Variants in LOXL3 observed in about 807,000 individuals in gnomAD.
The protein encoded by LOXL3 is lysyl oxidase like 3.
In LOXL3, 60 loss-of-function variants were observed where a neutral mutation model predicts 91.8. The observed-to-expected ratio is 0.65, with a 90% CI of 0.53 to 0.81. The LOEUF (loss-of-function observed/expected upper bound fraction) is 0.81. Among genes scored for constraint, LOXL3 ranks in the 30% least tolerant of loss-of-function variants. LOXL3 has a pLI of 0.00. For synonymous variants in LOXL3, 355 were observed against 387.6 expected (o/e 0.92, Z 0.99); for missense variants, 874 against 1,000.4 (o/e 0.87, Z 1.70).
rs746574833 is a variant in LOXL3, at chr2:74,535,693, A to G, written c.1311T>C (p.Pro437=). Residue 437 remains proline (P), a synonymous_variant, in exon 8 of 14, where the codon CCT becomes CCC. Transcript: ENST00000264094. The surrounding 1 kb of genome is among the most constrained non-coding windows in gnomAD (Gnocchi z 4.2). ...AGATGAGGCCCCAGCGAAGGGGCCC[A>G]GGTCCCCCTATTTGCACCTCGACTC... ...EGRVEVQIGG[P]GPLRWGLICG... The G allele has an allele frequency of 6.2e-7, 1 of 1,607,516 alleles. No homozygotes were observed. Among genetic ancestry groups the G allele is most frequent in the South Asian group, 1.1e-5 (1 of 90,314 alleles).
upstream of LOXL3, chr2:74,554,542 C>T: frequency 1.7e-6 from 1 of 577,824 alleles, no homozygotes; most frequent in Non-Finnish European, 3.1e-6. This position sits in a 1 kb window ranked among gnomAD's most constrained non-coding sequence, Gnocchi z 4.9. Context: ...GCCCCCACGA[C>T]GGCGGGTAGG....
rs552410033 is a variant in LOXL3 at position 74,549,767 on chromosome 2, C to T, written c.478-184G>A. On this transcript the variant is annotated intron_variant, in intron 3 of 13. Coordinates refer to ENST00000264094, the MANE Select transcript of LOXL3 (RefSeq NM_032603.5). The surrounding 1 kb of genome is among the most constrained non-coding windows in gnomAD (Gnocchi z 5.3). Reference sequence around the variant, plus strand: ...GTGTGGACTCTCTTGCAGCCAGCAGCGCGTGGGATGTGCTGTGCTCCCAGA... The same window carrying T: ...GTGTGGACTCTCTTGCAGCCAGCAGTGCGTGGGATGTGCTGTGCTCCCAGA... 6 of 1,428,574 alleles carry T rather than the reference C, an allele frequency of 4.2e-6. No individual in the cohort carries two copies. Among genetic ancestry groups the T allele is most frequent in the African/African-American group, 1.4e-5 (1 of 69,490 alleles). The allele number at this position is 1,428,574 out of a possible 1,614,324, so 88.5% of individuals were successfully genotyped here.
In LOXL3 at chr2:74,536,758, G is replaced by A. The variant is rs186579568; in HGVS notation, c.863C>T (p.Ala288Val). 1.4e-5 allele frequency: 22 copies of A among 1,614,174 alleles called. No individual in the cohort carries two copies. The highest frequency in any genetic ancestry group is 4.5e-5 in the East Asian group (2 of 44,870). Residue 288 changes from alanine (A) to valine (V), a missense_variant, in exon 5 of 14, where the codon GCG (alanine) becomes GTG (valine). By Grantham distance (64) the Ala-to-Val change is moderately conservative. Transcript: ENST00000264094. The surrounding 1 kb of genome is among the most constrained non-coding windows in gnomAD (Gnocchi z 4.5). ...VVSCVPGPVY[A>V]ASSGQKKQQQ... ...TTGCTTCTTCTGGCCACTGGATGCC[G>A]CGTAGACAGGGCCTGGCACACAGCT...
At chr2:74,555,400 G>A (rs755421404), upstream of LOXL3, 15 of 1,611,520 alleles carry the variant, frequency 9.3e-6, no homozygotes, top group Non-Finnish European at 1.3e-5. The surrounding 1 kb of genome is among the most constrained non-coding windows in gnomAD (Gnocchi z 6.1). Context: ...GCTGGCGGCC[G>A]ACGCGCCGTC....
upstream of LOXL3, chr2:74,555,135 ACT>A (rs200468716): frequency 1.1e-4 from 177 of 1,584,232 alleles, no homozygotes; most frequent in Middle Eastern, 5.9e-4. This position sits in a 1 kb window ranked among gnomAD's most constrained non-coding sequence, Gnocchi z 6.1. Context: ...CCTCTCGAGC[ACT>A]CTCTCTCTCT....
intron 1 of LOXL3, chr2:74,552,973 C>G: frequency 3.5e-6 from 1 of 285,550 alleles, no homozygotes; most frequent in Non-Finnish European, 6.5e-6. Context: ...CCCAGACAGA[C>G]AGGATGTGAG....
rs1439183347 is a variant in LOXL3, at chr2:74,553,890, AC to A, written c.-28del. The A allele has an allele frequency of 6.9e-6, 1 of 144,910 alleles. No individual in the cohort carries two copies. Among genetic ancestry groups the A allele is most frequent in the African/African-American group, 2.6e-5 (1 of 38,648 alleles). 9.0% of individuals were successfully genotyped at this position (144,910 alleles called of 1,614,324 possible). ...ACTCCCCCTACCTTGGCCGAGCAGG[AC>A]CCTAAGGGCTGGGAGAAGAGTGCTG... On this transcript the variant is annotated 5_prime_UTR_variant, in exon 1 of 14. Transcript: ENST00000264094.
At chr2:74,544,773 G>A (rs1040118052) in intron 4 of LOXL3, among the ~76,000 whole-genome samples, 1 of 152,048 alleles carries the variant, frequency 6.6e-6, no homozygotes, top group Non-Finnish European at 1.5e-5. Flanking sequence ...TTTTCCCTAA[G>A]GAGGGGAGAG....
rs1354565179 is a variant in LOXL3, at chr2:74,549,768, G to C, written c.478-185C>G. On this transcript the variant is annotated intron_variant, in intron 3 of 13. Transcript: ENST00000264094. The surrounding 1 kb of genome is among the most constrained non-coding windows in gnomAD (Gnocchi z 5.3). ...TGTGGACTCTCTTGCAGCCAGCAGC[G>C]CGTGGGATGTGCTGTGCTCCCAGAG... 2.1e-6 allele frequency: 3 copies of C among 1,429,282 alleles called. No homozygotes were observed. Among genetic ancestry groups the C allele is most frequent in the Admixed American group, 5.8e-5 (2 of 34,512 alleles). 88.5% of individuals were successfully genotyped at this position (1,429,282 alleles called of 1,614,324 possible).
intron 4 of LOXL3, among the ~76,000 whole-genome samples, chr2:74,537,295 GGAAGAAA>G (rs1361579132): frequency 6.6e-6 from 1 of 152,214 alleles, no homozygotes; most frequent in Non-Finnish European, 1.5e-5. Flanking sequence ...CTTTCCAGTT[GGAAGAAA>G]TGGCCAGGAG....
At chr2:74,543,119 A>G (rs1019506619) in intron 4 of LOXL3, among the ~76,000 whole-genome samples, 41 of 152,130 alleles carry the variant, frequency 2.7e-4, no homozygotes, top group Admixed American at 2.7e-3. Context: ...TCTGCTTATT[A>G]TTATTATTAA....
chr2:74,534,445 G>A lies in LOXL3; in HGVS notation c.1824-14C>T. On this transcript the variant is annotated splice_polypyrimidine_tract_variant and intron_variant, in intron 10 of 13. Coordinates refer to ENST00000264094, the MANE Select transcript of LOXL3 (RefSeq NM_032603.5). ...CTGTGGTAATGCCTGTGGGGAGAAG[G>A]GAACTTCTGTTTCCTTCTCTGCCCC... The A allele has an allele frequency of 6.2e-7, 1 of 1,613,920 alleles. No individual in the cohort carries two copies. Among genetic ancestry groups the A allele is most frequent in the Non-Finnish European group, 8.5e-7 (1 of 1,179,816 alleles).
chr2:74,554,712 C>T (rs1677276199), upstream of LOXL3: 1 of 1,604,868 alleles, frequency 6.2e-7, no homozygotes, highest in Admixed American at 1.7e-5. The surrounding 1 kb of genome is among the most constrained non-coding windows in gnomAD (Gnocchi z 4.9). Flanking sequence ...CGCCCCGCCT[C>T]CCGCCGCAGG....
At chr2:74,546,368 C>T (rs1168129682) in intron 4 of LOXL3, among the ~76,000 whole-genome samples, 1 of 152,184 alleles carries the variant, frequency 6.6e-6, no homozygotes, top group African/African-American at 2.4e-5. Context: ...CCTTATCTCC[C>T]ACAGAACAAA....
chr2:74,533,300 A>G lies in LOXL3; in HGVS notation c.*306T>C. The G allele has an allele frequency of 1.9e-6, 1 of 529,954 alleles. No individual in the cohort carries two copies. The highest frequency in any genetic ancestry group is 2.3e-5 in the South Asian group (1 of 44,364). The allele number at this position is 529,954 out of a possible 1,614,324, so 32.8% of individuals were successfully genotyped here. A position where few individuals can be genotyped will look rare whatever the true frequency, so the allele number is the denominator to read the frequency against. ...AGCTGACCATCCTGACCTCCTATTAAAGAAAATGAGCTGCTGCCATCTTTT... is the reference window on the plus strand; with the variant it reads ...AGCTGACCATCCTGACCTCCTATTAGAGAAAATGAGCTGCTGCCATCTTTT... On this transcript the variant is annotated 3_prime_UTR_variant, in exon 14 of 14. Coordinates refer to ENST00000264094, the MANE Select transcript of LOXL3 (RefSeq NM_032603.5).
At position 74,532,646 on chromosome 2, in the gene LOXL3, A is replaced by C. The variant is rs1368183245; in HGVS notation, c.*960T>G. The C allele has an allele frequency of 6.2e-7, 1 of 1,613,630 alleles. No homozygotes were observed. The highest frequency in any genetic ancestry group is 8.5e-7 in the Non-Finnish European group (1 of 1,180,004). ...TCCTTGCTGAACTACAGCTTCGAGAACCAAGCTTTCCCGATGTTCAGCATG... is the reference window on the plus strand; with the variant it reads ...TCCTTGCTGAACTACAGCTTCGAGACCCAAGCTTTCCCGATGTTCAGCATG... On this transcript the variant is annotated 3_prime_UTR_variant, in exon 14 of 14. Transcript: ENST00000264094.
In LOXL3 at chr2:74,549,966, G is replaced by A; in HGVS notation, c.477+219C>T. On this transcript the variant is annotated intron_variant, in intron 3 of 13. Transcript: ENST00000264094. The surrounding 1 kb of genome is among the most constrained non-coding windows in gnomAD (Gnocchi z 5.3). ...TGCCCCAGGGGTGACTAGGGATGAA[G>A]CTGGAGAGGCTCATGCCAGGTTTAG... The A allele has an allele frequency of 1.0e-6, 1 of 985,490 alleles. No individual in the cohort carries two copies. Among genetic ancestry groups the A allele is most frequent in the Non-Finnish European group, 1.2e-6 (1 of 829,942 alleles). The allele number at this position is 985,490 out of a possible 1,614,324, so 61.0% of individuals were successfully genotyped here.
chr2:74,533,464 C>T lies in LOXL3; in HGVS notation c.*142G>A, dbSNP rs965871144. ...GGCCTCTGAAGGAGGGTGAAAACTT[C>T]TGCTTGACAGTTCCACATCCATAGT... On this transcript the variant is annotated 3_prime_UTR_variant, in exon 14 of 14. Transcript: ENST00000264094. 7 of 693,630 alleles carry T rather than the reference C, an allele frequency of 1.0e-5. No individual in the cohort carries two copies. Among genetic ancestry groups the T allele is most frequent in the African/African-American group, 8.9e-5 (5 of 56,234 alleles). 43.0% of individuals were successfully genotyped at this position (693,630 alleles called of 1,614,324 possible).
intron 3 of LOXL3, 98 bp downstream of exon 3, chr2:74,550,087 C>T: frequency 2.0e-6 from 3 of 1,494,790 alleles, no homozygotes; most frequent in African/African-American, 2.8e-5. Flanking sequence ...CCAAATGATC[C>T]CCCAGGGGTA....
Sources: gnomAD v4.1 joint callset for allele counts (sites outside exome capture counted in the v4.1 genomes callset) on GRCh38, gnomAD v4.1.1 for gene constraint, Gnocchi (gnomAD v3.1) non-coding constraint, MANE v1.5 for transcripts, NCBI Gene and HGNC (gene_info 2026-07-23, HGNC 2026-07-21) for gene names.